Variants in GLRA2 observed in about 807,000 individuals in gnomAD.
GLRA2 encodes glycine receptor alpha 2.
In GLRA2, 11 loss-of-function variants were observed where a neutral mutation model predicts 31.6. The observed-to-expected ratio is 0.35, with a 90% CI of 0.22 to 0.58. The LOEUF is 0.58. Among genes scored for constraint, GLRA2 ranks in the 20% least tolerant of loss-of-function variants. The probability of loss-of-function intolerance (pLI) is 0.84; values close to 1 mark genes in which losing one functional copy is unlikely to be tolerated. For synonymous variants in GLRA2, 132 were observed against 134.0 expected, an observed-to-expected ratio of 0.99 and a Z score of 0.10; for missense variants, 212 against 351.8, an observed-to-expected ratio of 0.60 and a Z score of 3.18.
At chrX:14,564,628 C>T (rs1005534016) in intron 2 of GLRA2, among the ~76,000 whole-genome samples, 1 of 111,969 alleles carries the variant, frequency 8.9e-6, no homozygotes, top group Non-Finnish European at 1.9e-5. Context: ...AAGACAAATG[C>T]ATAAAAAATT....
In GLRA2 at chrX:14,626,425, T is replaced by C. The variant is rs1290056778; in HGVS notation, c.930+17220T>C. On this transcript the variant is annotated intron_variant, in intron 7 of 8. Transcript: ENST00000218075. The stretch of plus-strand genomic sequence containing the variant: ...TTACATGCAGTTCACATATTGTTTA[T>C]CATTTTATTGAAGAGGCAATGCTTG... 2.7e-5 allele frequency among the ~76,000 whole-genome samples: 3 copies of C among 112,200 alleles called. No homozygotes were observed. The South Asian group carries it at 1.1e-3, about 41-fold the overall frequency.
chrX:14,486,905 C>T, the GLRA2 span, among the ~76,000 whole-genome samples: 3 of 111,047 alleles, frequency 2.7e-5, no homozygotes, highest in African/African-American at 9.8e-5. Flanking sequence ...CCAAAATACA[C>T]AGCAAAATAA....
the GLRA2 span, among the ~76,000 whole-genome samples, chrX:14,474,090 CTGTG>C: frequency 8.9e-6 from 1 of 111,755 alleles, no homozygotes; most frequent in Non-Finnish European, 1.9e-5. Flanking sequence ...GCCTAAGTGG[CTGTG>C]TGTGTACAAC....
chrX:14,611,573 T>C (rs2090398336), intron 7 of GLRA2, among the ~76,000 whole-genome samples: 1 of 112,829 alleles, frequency 8.9e-6, no homozygotes, highest in South Asian at 3.6e-4. Context: ...TAGGAGTGTT[T>C]GTAGCCCACT....
intron 7 of GLRA2, among the ~76,000 whole-genome samples, chrX:14,671,267 C>T (rs1326081878): frequency 9.0e-6 from 1 of 111,669 alleles, no homozygotes; most frequent in Non-Finnish European, 1.9e-5. Context: ...AATGATGTGG[C>T]AGGCATCATT....
At chrX:14,492,427 A>G in the GLRA2 span, among the ~76,000 whole-genome samples, 1 of 111,719 alleles carries the variant, frequency 9.0e-6, no homozygotes, top group Non-Finnish European at 1.9e-5. Flanking sequence ...ACTTTACCCT[A>G]TCTTCCCACT....
In GLRA2 at chrX:14,627,459, G is replaced by GA. The variant is rs1447424676; in HGVS notation, c.930+18255dup. ...GCTGCTCTCCTTCCCATTTTATAGT[G>GA]ACTAATATCCCTTCAACCTTTAAAA... On this transcript the variant is annotated intron_variant, in intron 7 of 8. Coordinates refer to ENST00000218075, the MANE Select transcript of GLRA2 (RefSeq NM_002063.4). 5.4e-5 allele frequency among the ~76,000 whole-genome samples: 6 copies of GA among 111,476 alleles called. No homozygotes were observed. The Admixed American group carries it at 5.7e-4, about 11-fold the overall frequency.
intron 4 of GLRA2, among the ~76,000 whole-genome samples, chrX:14,590,186 A>G (rs1019443982): frequency 1.8e-5 from 2 of 111,289 alleles, no homozygotes; most frequent in African/African-American, 6.5e-5. Context: ...TTTTGATTCT[A>G]TTTGCAATTC....
upstream of GLRA2, among the ~76,000 whole-genome samples, chrX:14,524,478 G>A (rs1238368326): frequency 9.0e-6 from 1 of 111,710 alleles, no homozygotes; most frequent in East Asian, 2.8e-4. Context: ...CGAAAGATTT[G>A]GTAAAAACAA....
chrX:14,693,000 A>G lies in GLRA2; in HGVS notation c.1080+2141A>G, dbSNP rs925680597. Among the ~76,000 whole-genome samples the G allele has an allele frequency of 2.7e-5, 3 of 110,737 alleles. No individual in the cohort carries two copies. The East Asian group carries it at 8.4e-4, about 31-fold the overall frequency. ...TGGCACATGTATACATATGTAACTA[A>G]CCTGCACATTGTGCACATGTACCCT... On this transcript the variant is annotated intron_variant, in intron 8 of 8. Coordinates refer to ENST00000218075, the MANE Select transcript of GLRA2 (RefSeq NM_002063.4).
intron 7 of GLRA2, among the ~76,000 whole-genome samples, chrX:14,689,278 T>C (rs1434158018): frequency 8.9e-6 from 1 of 112,478 alleles, no homozygotes; most frequent in Non-Finnish European, 1.9e-5. Flanking sequence ...AGAAGAATGT[T>C]CATAGCAGCA....
chrX:14,481,872 A>G, the GLRA2 span, among the ~76,000 whole-genome samples: 1 of 110,943 alleles, frequency 9.0e-6, no homozygotes, highest in African/African-American at 3.3e-5. Context: ...TTATAAGTCC[A>G]TATTTTAGCC....
At chrX:14,634,304 T>C (rs959084264) in intron 7 of GLRA2, among the ~76,000 whole-genome samples, 16 of 111,920 alleles carry the variant, frequency 1.4e-4, no homozygotes, top group African/African-American at 5.2e-4. Context: ...GGAGAAAACC[T>C]GAAATAACTA....
At chrX:14,450,232 T>C in the GLRA2 span, among the ~76,000 whole-genome samples, 1 of 112,156 alleles carries the variant, frequency 8.9e-6, no homozygotes, top group Non-Finnish European at 1.9e-5. Context: ...CTTGGCCCAG[T>C]GCATCACAAG....
chrX:14,600,547 A>G (rs982229642), intron 4 of GLRA2, among the ~76,000 whole-genome samples: 2 of 110,811 alleles, frequency 1.8e-5, no homozygotes, highest in African/African-American at 6.5e-5. Context: ...AATTTTTTGA[A>G]TTGTAAATGG....
At chrX:14,610,616 AT>A (rs1402906738) in intron 7 of GLRA2, among the ~76,000 whole-genome samples, 1 of 111,888 alleles carries the variant, frequency 8.9e-6, no homozygotes, top group Non-Finnish European at 1.9e-5. Flanking sequence ...CTTATTTATT[AT>A]TAGTCATTAG....
intron 6 of GLRA2, among the ~76,000 whole-genome samples, chrX:14,607,704 C>G (rs1259844319): frequency 1.8e-5 from 2 of 111,450 alleles, no homozygotes; most frequent in Non-Finnish European, 3.8e-5. Flanking sequence ...GACAATAACA[C>G]AGGTCTTTGT....
At chrX:14,557,351 G>A (rs977282403) in intron 2 of GLRA2, among the ~76,000 whole-genome samples, 1 of 109,906 alleles carries the variant, frequency 9.1e-6, no homozygotes, top group South Asian at 3.9e-4. Context: ...TCCTGACCTC[G>A]TGATCCGCCC....
chrX:14,671,577 C>T (rs1296365125), intron 7 of GLRA2, among the ~76,000 whole-genome samples: 1 of 111,867 alleles, frequency 8.9e-6, no homozygotes, highest in African/African-American at 3.3e-5. Flanking sequence ...CACCAACCCC[C>T]ATCCTTCCAT....
Sources: gnomAD v4.1 joint callset for allele counts (sites outside exome capture counted in the v4.1 genomes callset) on GRCh38, gnomAD v4.1.1 for gene constraint, MANE v1.5 for transcripts, NCBI Gene and HGNC (gene_info 2026-07-23, HGNC 2026-07-21) for gene names.